Variants in PSMD14 observed in about 807,000 individuals in gnomAD.
PSMD14 encodes proteasome 26S subunit, non-ATPase 14.
Under a neutral mutation model 41.2 loss-of-function variants are expected in PSMD14, and 7 were observed. The ratio of observed to expected loss-of-function variants is 0.17; its 90% CI spans 0.10 to 0.32. The LOEUF (loss-of-function observed/expected upper bound fraction) is 0.32, where lower values mean the gene tolerates loss of function less well. Ranked by LOEUF, PSMD14 falls within the 10% of genes least tolerant of loss-of-function variation. PSMD14 has a pLI of 1.00. For missense variants in PSMD14, 139 were observed against 375.6 expected, an observed-to-expected ratio of 0.37 and a Z score of 5.21; for synonymous variants, 114 against 122.3, an observed-to-expected ratio of 0.93 and a Z score of 0.45.
chr2:161,372,692 ATTGT>A (rs1683452672), intron 7 of PSMD14, among the ~76,000 whole-genome samples: 1 of 151,844 alleles, frequency 6.6e-6, no homozygotes, highest in Non-Finnish European at 1.5e-5. Flanking sequence ...AAAATCCTTG[ATTGT>A]TATTAGCTTT....
intron 7 of PSMD14, among the ~76,000 whole-genome samples, chr2:161,372,241 CAA>C (rs1468621874): frequency 6.6e-6 from 1 of 152,032 alleles, no homozygotes; most frequent in African/African-American, 2.4e-5. Context: ...AATAAAATCA[CAA>C]TATATTTATG....
chr2:161,332,263 G>A (rs904011525), intron 3 of PSMD14, among the ~76,000 whole-genome samples: 31 of 152,114 alleles, frequency 2.0e-4, no homozygotes, highest in Middle Eastern at 3.2e-3. Flanking sequence ...TAAAGGTAGA[G>A]GTTACAAATA....
intron 6 of PSMD14, among the ~76,000 whole-genome samples, chr2:161,370,789 T>C (rs1423811634): frequency 6.6e-6 from 1 of 152,152 alleles, no homozygotes. Context: ...CAGTGGATCC[T>C]GGTGTCCATT....
intron 3 of PSMD14, among the ~76,000 whole-genome samples, chr2:161,336,203 T>A (rs934945222): frequency 5.9e-5 from 9 of 152,228 alleles, no homozygotes; most frequent in Non-Finnish European, 1.2e-4. Context: ...TATGTATATA[T>A]ATAGCCATCT....
chr2:161,402,876 A>G (rs1171021405), intron 10 of PSMD14, among the ~76,000 whole-genome samples: 1 of 152,208 alleles, frequency 6.6e-6, no homozygotes, highest in Admixed American at 6.5e-5. Context: ...AATCAAAACC[A>G]CAATGGCTAG....
intron 7 of PSMD14, 38 bp downstream of exon 7, chr2:161,371,360 C>T: frequency 6.4e-7 from 1 of 1,570,532 alleles, no homozygotes; most frequent in Non-Finnish European, 8.7e-7. Flanking sequence ...TCTACTGCCA[C>T]ATTCTGTTTA....
At chr2:161,314,336 G>A (rs1314988386) in intron 1 of PSMD14, among the ~76,000 whole-genome samples, 2 of 151,918 alleles carry the variant, frequency 1.3e-5, no homozygotes, top group East Asian at 3.8e-4. Flanking sequence ...CACTTTTTTG[G>A]TTTTAGAAAT....
intron 3 of PSMD14, among the ~76,000 whole-genome samples, chr2:161,358,719 T>C (rs895728389): frequency 6.6e-6 from 1 of 152,030 alleles, no homozygotes; most frequent in Non-Finnish European, 1.5e-5. Flanking sequence ...CTGAGGCGGG[T>C]GGATCATGAG....
At chr2:161,342,883 G>C (rs1476057199) in intron 3 of PSMD14, among the ~76,000 whole-genome samples, 1 of 151,020 alleles carries the variant, frequency 6.6e-6, no homozygotes, top group Non-Finnish European at 1.5e-5. Flanking sequence ...TTTGCTTTAG[G>C]GTTTATAGTA....
At chr2:161,346,983 C>A (rs1683053138) in intron 3 of PSMD14, among the ~76,000 whole-genome samples, 1 of 152,070 alleles carries the variant, frequency 6.6e-6, no homozygotes. Context: ...GCTATTTTTT[C>A]TGTGGTACTC....
intron 3 of PSMD14, among the ~76,000 whole-genome samples, chr2:161,323,867 T>G (rs958878310): frequency 2.6e-5 from 4 of 152,216 alleles, no homozygotes; most frequent in African/African-American, 9.6e-5. Flanking sequence ...AAACTTGAAA[T>G]TACTAAAAGG....
At chr2:161,379,150 GT>G (rs1683542163) in intron 7 of PSMD14, among the ~76,000 whole-genome samples, 1 of 151,954 alleles carries the variant, frequency 6.6e-6, no homozygotes, top group Non-Finnish European at 1.5e-5. Context: ...AGGCAAACGA[GT>G]TGTTTTAATT....
intron 6 of PSMD14, 35 bp from the exon 7 acceptor site, chr2:161,371,137 C>G (rs1683427572): frequency 1.3e-6 from 2 of 1,599,154 alleles, no homozygotes; most frequent in Non-Finnish European, 1.7e-6. Flanking sequence ...ATTACTTGTT[C>G]TGTTCTGAGC....
intron 8 of PSMD14, among the ~76,000 whole-genome samples, chr2:161,387,772 A>T (rs1033917513): frequency 7.2e-5 from 11 of 151,892 alleles, no homozygotes; most frequent in Non-Finnish European, 1.5e-4. Context: ...TATTTCTTAA[A>T]TTTTTTTACA....
intron 3 of PSMD14, among the ~76,000 whole-genome samples, chr2:161,349,777 G>C (rs138003760): frequency 3.3e-4 from 50 of 152,338 alleles, no homozygotes; most frequent in Non-Finnish European, 5.6e-4. Context: ...AGCCAGACGA[G>C]CAGGGTGGGG....
intron 3 of PSMD14, among the ~76,000 whole-genome samples, chr2:161,359,546 A>G (rs954452953): frequency 6.6e-6 from 1 of 152,050 alleles, no homozygotes; most frequent in South Asian, 2.1e-4. Flanking sequence ...TAATTTTCAT[A>G]TTAGTATCTA....
intron 7 of PSMD14, chr2:161,383,448 A>T (rs928767246): frequency 6.6e-6 from 1 of 151,990 alleles, no homozygotes; most frequent in Non-Finnish European, 1.5e-5. Flanking sequence ...AAGAAAATTT[A>T]AAAAATTTGT....
chr2:161,310,269 T>G (rs1166682299), intron 1 of PSMD14, among the ~76,000 whole-genome samples: 1 of 152,232 alleles, frequency 6.6e-6, no homozygotes, highest in Non-Finnish European at 1.5e-5. Context: ...TGTATGAAAG[T>G]CAATAAATAT....
intron 3 of PSMD14, among the ~76,000 whole-genome samples, chr2:161,321,481 A>G (rs1418960280): frequency 6.6e-6 from 1 of 152,126 alleles, no homozygotes; most frequent in Non-Finnish European, 1.5e-5. Flanking sequence ...TGGCTTGAAG[A>G]CATTTTGTTT....
Sources: allele counts gnomAD v4.1 joint callset (sites outside exome capture counted in the v4.1 genomes callset), GRCh38; gene constraint gnomAD v4.1.1; transcripts MANE v1.5; gene names NCBI Gene and HGNC (gene_info 2026-07-23, HGNC 2026-07-21).